The following ELAVL4 variants were observed in gnomAD, a reference collection of about 807,000 sequenced individuals.
ELAVL4 encodes ELAV-like protein 4.
ELAVL4 carries 1 observed loss-of-function variant against 35.6 expected under a neutral mutation model. The observed-to-expected ratio is 0.03, with a 90% confidence interval of 0.01 to 0.13. The LOEUF (loss-of-function observed/expected upper bound fraction) is 0.13. ELAVL4 is among the 10% of genes least tolerant of loss of function. The pLI is 1.00. For synonymous variants in ELAVL4, 156 were observed against 171.0 expected (o/e 0.91, Z 0.69); for missense variants, 267 against 464.9 (o/e 0.57, Z 3.91).
chr1:50,111,131 T>G (rs181828823), intron 1 of ELAVL4, among the ~76,000 whole-genome samples: 113 of 151,888 alleles, frequency 7.4e-4, no homozygotes, highest in Non-Finnish European at 9.1e-4. Context: ...TCCCCTGTTT[T>G]TGTGTGTGTG....
intron 2 of ELAVL4, among the ~76,000 whole-genome samples, chr1:50,154,997 C>G (rs944068175): frequency 1.3e-5 from 2 of 151,780 alleles, no homozygotes; most frequent in African/African-American, 4.8e-5. Context: ...ATGACTCAAA[C>G]GGACCACCTA....
intron 3 of ELAVL4, chr1:50,180,223 G>A (rs1054008362): frequency 6.6e-6 from 1 of 151,604 alleles, no homozygotes; most frequent in African/African-American, 2.4e-5. Context: ...TCCACTACAG[G>A]CTGAGCATCC....
intron 1 of ELAVL4, among the ~76,000 whole-genome samples, chr1:50,073,495 T>C (rs1664624161): frequency 6.6e-6 from 1 of 152,164 alleles, no homozygotes; most frequent in African/African-American, 2.4e-5. Flanking sequence ...ATATTATCAC[T>C]AGGTGTTGAG....
At chr1:50,181,456 C>T (rs1681006314) in intron 3 of ELAVL4, among the ~76,000 whole-genome samples, 1 of 152,124 alleles carries the variant, frequency 6.6e-6, no homozygotes, top group African/African-American at 2.4e-5. Context: ...TGACAGTGCC[C>T]TAGAGATTCT....
intron 1 of ELAVL4, among the ~76,000 whole-genome samples, chr1:50,098,550 A>T (rs888578509): frequency 1.3e-5 from 2 of 152,088 alleles, no homozygotes; most frequent in Non-Finnish European, 2.9e-5. Flanking sequence ...CTGTTCAAAA[A>T]CCTTACATTA....
intron 1 of ELAVL4, among the ~76,000 whole-genome samples, chr1:50,093,417 G>C (rs960206927): frequency 6.6e-6 from 1 of 152,198 alleles, no homozygotes; most frequent in Non-Finnish European, 1.5e-5. Context: ...TCTGTCAACT[G>C]ATGTCCTTTT....
At chr1:50,129,532 A>G (rs1428504297) in intron 1 of ELAVL4, among the ~76,000 whole-genome samples, 1 of 152,136 alleles carries the variant, frequency 6.6e-6, no homozygotes, top group East Asian at 1.9e-4. Flanking sequence ...TGAAAGGGCA[A>G]AAGATACCAG....
intron 2 of ELAVL4, among the ~76,000 whole-genome samples, chr1:50,164,235 T>C (rs1023220541): frequency 3.3e-5 from 5 of 152,178 alleles, no homozygotes; most frequent in African/African-American, 1.2e-4. Flanking sequence ...ATTTAGAACC[T>C]TTAAAGGGAT....
chr1:50,130,559 C>G (rs1670677849), intron 1 of ELAVL4, among the ~76,000 whole-genome samples: 1 of 152,186 alleles, frequency 6.6e-6, no homozygotes, highest in Admixed American at 6.6e-5. Context: ...ACTCAAAGCA[C>G]TTTTTAATCA....
At chr1:50,144,910 G>T in intron 1 of ELAVL4, 47 bp from the exon 2 acceptor site, 1 of 1,590,400 alleles carries the variant, frequency 6.3e-7, no homozygotes, top group East Asian at 2.2e-5. Flanking sequence ...GAGACTTTGT[G>T]TCTGAGATTT....
At chr1:50,174,795 A>T (rs1679698347) in intron 2 of ELAVL4, 1 of 152,202 alleles carries the variant, frequency 6.6e-6, no homozygotes, top group Admixed American at 6.5e-5. Context: ...TATTTATTTT[A>T]GATTTTCATC....
chr1:50,173,494 A>G (rs749226117), intron 2 of ELAVL4, among the ~76,000 whole-genome samples: 4 of 152,232 alleles, frequency 2.6e-5, no homozygotes, highest in Non-Finnish European at 4.4e-5. Context: ...CTGCCCATGC[A>G]TGATAACTGG....
intron 3 of ELAVL4, among the ~76,000 whole-genome samples, chr1:50,186,641 T>C (rs964067969): frequency 2.6e-5 from 4 of 151,400 alleles, no homozygotes; most frequent in African/African-American, 9.8e-5. Flanking sequence ...GAAATAGAAA[T>C]TTTCTGGACA....
At chr1:50,090,870 G>T (rs1290371916) in intron 1 of ELAVL4, among the ~76,000 whole-genome samples, 1 of 152,164 alleles carries the variant, frequency 6.6e-6, no homozygotes, top group Non-Finnish European at 1.5e-5. Flanking sequence ...AATAGGACTG[G>T]GTGGACACTT....
At chr1:50,136,452 T>C (rs1014439881) in intron 1 of ELAVL4, among the ~76,000 whole-genome samples, 2 of 152,316 alleles carry the variant, frequency 1.3e-5, no homozygotes, top group East Asian at 3.9e-4. Context: ...TCTTTAATGG[T>C]TCAATTCAGT....
At chr1:50,128,061 G>A (rs1670244807) in intron 1 of ELAVL4, among the ~76,000 whole-genome samples, 1 of 152,036 alleles carries the variant, frequency 6.6e-6, no homozygotes, top group South Asian at 2.1e-4. Flanking sequence ...TGTTCTGCAG[G>A]GCTGTGAACC....
At chr1:50,068,965 C>T (rs1664390315) in intron 1 of ELAVL4, among the ~76,000 whole-genome samples, 1 of 152,180 alleles carries the variant, frequency 6.6e-6, no homozygotes, top group Non-Finnish European at 1.5e-5. Context: ...ATTTATTCCA[C>T]TTATTCACAA....
rs150394218 is a variant in ELAVL4 at position 50,145,041 on chromosome 1, C to T, written c.94C>T (p.Pro32Ser). ...NGPSSNNRNC[P>S]SPMQTGATTD... ...ACCCTCCAGCAACAACAGAAACTGT[C>T]CTTCTCCCATGCAAACAGGGGCAAC... The change falls in exon 2 of 7, where the codon CCT (proline) becomes TCT (serine). Residue 32 changes from proline (P) to serine (S), a missense_variant. Transcript: ENST00000371824. The T allele has an allele frequency of 1.6e-5, 26 of 1,613,972 alleles. No individual in the cohort carries two copies. The African/African-American group carries it at 3.1e-4, about 19-fold the overall frequency.
At chr1:50,167,949 C>T (rs1678243352) in intron 2 of ELAVL4, among the ~76,000 whole-genome samples, 1 of 152,188 alleles carries the variant, frequency 6.6e-6, no homozygotes, top group Non-Finnish European at 1.5e-5. Context: ...TGGCTACAGC[C>T]CATGAATCAC....
Sources: gnomAD v4.1 joint callset for allele counts (sites outside exome capture counted in the v4.1 genomes callset) on GRCh38, gnomAD v4.1.1 for gene constraint, MANE v1.5 for transcripts, NCBI Gene and HGNC (gene_info 2026-07-23, HGNC 2026-07-21) for gene names.